Variants in ISL1 observed in about 807,000 individuals in gnomAD.
ISL1 encodes the protein insulin gene enhancer protein ISL-1.
In ISL1, 4 loss-of-function variants were observed where a neutral mutation model predicts 35.3. That is an observed-to-expected ratio of 0.11 (90% CI 0.06 to 0.26). The LOEUF (loss-of-function observed/expected upper bound fraction) is 0.26, where lower values mean the gene tolerates loss of function less well. ISL1 is among the 10% of genes least tolerant of loss of function. The probability of loss-of-function intolerance (pLI) is 1.00; values close to 1 mark genes in which losing one functional copy is unlikely to be tolerated. For synonymous variants in ISL1, 186 were observed against 172.3 expected (o/e 1.08, Z -0.62); for missense variants, 340 against 472.8 (o/e 0.72, Z 2.60).
chr5:51,393,561 A>G lies in ISL1; in HGVS notation c.1001A>G (p.Gln334Arg). 1.2e-6 allele frequency: 2 copies of G among 1,613,914 alleles called. No homozygotes were observed. The highest frequency in any genetic ancestry group is 1.7e-6 in the Non-Finnish European group (2 of 1,179,758). ...TGSEVASMSS[Q>R]LPDTPNSMVA... ...AGTGAAGTAGCATCAATGTCCTCTC[A>G]ACTTCCAGATACACCTAACAGCATG... is the stretch of plus-strand genomic sequence containing the variant. The change falls in exon 6 of 6, where the codon CAA becomes CGA. Residue 334 changes from glutamine (Q) to arginine (R), a missense_variant. Gln to Arg is a conservative substitution (Grantham distance 43). Coordinates refer to ENST00000230658, the MANE Select transcript of ISL1 (RefSeq NM_002202.3).
chr5:51,386,381 T>C (rs1407910841), intron 2 of ISL1: 2 of 154,796 alleles, frequency 1.3e-5, no homozygotes, highest in Non-Finnish European at 1.2e-5. Flanking sequence ...CAACTCTGTG[T>C]GTGTGTGTGT....
At chr5:51,388,989 G>A (rs1295527365) in intron 3 of ISL1, among the ~76,000 whole-genome samples, 5 of 152,164 alleles carry the variant, frequency 3.3e-5, no homozygotes, top group Admixed American at 6.5e-5. Flanking sequence ...TTAATACTAA[G>A]AGCAGGGATT....
chr5:51,384,807 G>A, intron 2 of ISL1, 77 bp downstream of exon 2: 1 of 1,403,296 alleles, frequency 7.1e-7, no homozygotes, highest in Non-Finnish European at 1.0e-6. Context: ...TATTTGGTGT[G>A]GCTTTGTCTT....
chr5:51,386,376 CTGTGTGTGTGTGTGTG>C (rs3138746), intron 2 of ISL1: 24 of 262,768 alleles, frequency 9.1e-5, no homozygotes, highest in African/African-American at 2.5e-4. Context: ...TCTCTCAACT[CTGTGTGTGTGTGTGTG>C]TGTGTGTGTG....
Position 51,389,988 on chromosome 5 carries a change from GAGGTGCGTTCCTGGTA to G in ISL1, c.765+57_765+72del. Reference sequence around the variant, plus strand: ...CGAGGGGGAAGGAGACGCAGCGTGCGAGGTGCGTTCCTGGTACGCAGGATCGCACGGTTTTCAATCC... The same window carrying G: ...CGAGGGGGAAGGAGACGCAGCGTGCGCGCAGGATCGCACGGTTTTCAATCC... On this transcript the variant is annotated intron_variant, in intron 4 of 5. Coordinates refer to ENST00000230658, the MANE Select transcript of ISL1 (RefSeq NM_002202.3). The surrounding 1 kb of genome is among the most constrained non-coding windows in gnomAD (Gnocchi z 5.0). The G allele has an allele frequency of 6.3e-7, 1 of 1,581,080 alleles. No individual in the cohort carries two copies. Among genetic ancestry groups the G allele is most frequent in the Non-Finnish European group, 8.7e-7 (1 of 1,155,458 alleles).
At chr5:51,384,243 A>AGG (rs60114688) in intron 1 of ISL1, among the ~76,000 whole-genome samples, 12,993 of 115,602 alleles carry the variant, frequency 0.11, 669 homozygotes, top group African/African-American at 0.13. Flanking sequence ...GCAAAGAGGA[A>AGG]GGGGGGGGGG....
intron 1 of ISL1, 64 bp from the exon 2 acceptor site, chr5:51,384,477 A>G: frequency 6.9e-7 from 1 of 1,452,354 alleles, no homozygotes; most frequent in Non-Finnish European, 9.7e-7. Context: ...GAACGACACT[A>G]AAAGTGTGTT....
Position 51,393,652 on chromosome 5 carries a change from G to A in ISL1, c.*42G>A. On this transcript the variant is annotated 3_prime_UTR_variant, in exon 6 of 6. Coordinates refer to ENST00000230658, the MANE Select transcript of ISL1 (RefSeq NM_002202.3). Reference sequence around the variant, plus strand: ...ATTTTTTTTCCCTGTTGGAGAAAGTGGGAAATTATAATGTCGAACTCTGAA... The same window carrying A: ...ATTTTTTTTCCCTGTTGGAGAAAGTAGGAAATTATAATGTCGAACTCTGAA... The A allele has an allele frequency of 7.8e-7, 1 of 1,277,694 alleles. No homozygotes were observed. Among genetic ancestry groups the A allele is most frequent in the African/African-American group, 1.5e-5 (1 of 68,442 alleles). 79.1% of individuals were successfully genotyped at this position (1,277,694 alleles called of 1,614,324 possible).
Position 51,389,574 on chromosome 5 carries a change from C to T in ISL1, c.479-72C>T, listed in dbSNP as rs1334102973. The stretch of plus-strand genomic sequence containing the variant: ...GCGGGCGGGCAAGCGAGCGAGCGAG[C>T]GAGCGCGCGACCGCGGGCGGGCCGG... On this transcript the variant is annotated intron_variant, in intron 3 of 5. Coordinates refer to ENST00000230658, the MANE Select transcript of ISL1 (RefSeq NM_002202.3). The surrounding 1 kb of genome is among the most constrained non-coding windows in gnomAD (Gnocchi z 5.0). 11 of 1,334,730 alleles carry T rather than the reference C, an allele frequency of 8.2e-6. No individual in the cohort carries two copies. The highest frequency in any genetic ancestry group is 1.8e-5 in the South Asian group (1 of 55,224). The allele number at this position is 1,334,730 out of a possible 1,614,324, so 82.7% of individuals were successfully genotyped here. A position where few individuals can be genotyped will look rare whatever the true frequency, so the allele number is the denominator to read the frequency against.
At chr5:51,392,665 G>A (rs550290512) in intron 5 of ISL1, among the ~76,000 whole-genome samples, 1 of 152,300 alleles carries the variant, frequency 6.6e-6, no homozygotes, top group African/African-American at 2.4e-5. Context: ...TTATTTGAGC[G>A]AATCCTGAAT....
At chr5:51,385,318 C>T (rs891543634) in intron 2 of ISL1, among the ~76,000 whole-genome samples, 1 of 152,112 alleles carries the variant, frequency 6.6e-6, no homozygotes, top group African/African-American at 2.4e-5. Flanking sequence ...GAAAAAACAC[C>T]GGAAACTTAA....
At chr5:51,384,990 A>G (rs1322579382) in intron 2 of ISL1, among the ~76,000 whole-genome samples, 1 of 152,226 alleles carries the variant, frequency 6.6e-6, no homozygotes, top group African/African-American at 2.4e-5. Context: ...CTTGGAGTTT[A>G]TGATGCACAA....
chr5:51,387,433 C>T lies in ISL1; in HGVS notation c.219-57C>T. ...AAGTGCCGGCCTGAAGTGACCCCCT[C>T]TTCCTGTACTTCTCTCCCCGCTCTG... On this transcript the variant is annotated intron_variant, in intron 2 of 5. Coordinates refer to ENST00000230658, the MANE Select transcript of ISL1 (RefSeq NM_002202.3). The surrounding 1 kb of genome is among the most constrained non-coding windows in gnomAD (Gnocchi z 4.3). 1.3e-6 allele frequency: 2 copies of T among 1,597,126 alleles called. No homozygotes were observed. Among genetic ancestry groups the T allele is most frequent in the South Asian group, 2.2e-5 (2 of 88,950 alleles).
intron 2 of ISL1, chr5:51,386,376 C>CTGTG (rs3138746): frequency 0.068 from 17,936 of 262,306 alleles, 542 homozygotes; most frequent in African/African-American, 0.088. Flanking sequence ...TCTCTCAACT[C>CTGTG]TGTGTGTGTG....
In ISL1 at chr5:51,389,346, CTT is replaced by C. The variant is rs1747426636; in HGVS notation, c.479-298_479-297del. On this transcript the variant is annotated intron_variant, in intron 3 of 5. Coordinates refer to ENST00000230658, the MANE Select transcript of ISL1 (RefSeq NM_002202.3). This position sits in a 1 kb window ranked among gnomAD's most constrained non-coding sequence, Gnocchi z 5.0. ...TGAGACCTGCTTCCCTTGGCTAACACTTTGTTGACACGAGGAGGGGCGAGTGC... is the reference window on the plus strand; with the variant it reads ...TGAGACCTGCTTCCCTTGGCTAACACTGTTGACACGAGGAGGGGCGAGTGC... Among the ~76,000 whole-genome samples the C allele has an allele frequency of 1.3e-5, 2 of 152,174 alleles. No homozygotes were observed. Among genetic ancestry groups the C allele is most frequent in the South Asian group, 2.1e-4 (1 of 4,836 alleles).
At chr5:51,393,413 C>T (rs1747562694) in intron 5 of ISL1, 81 bp from the exon 6 acceptor site, 4 of 826,148 alleles carry the variant, frequency 4.8e-6, no homozygotes, top group African/African-American at 1.7e-5. Flanking sequence ...AACATTTCTA[C>T]ATATACAATA....
Position 51,387,415 on chromosome 5 carries a change from G to A in ISL1, c.219-75G>A, listed in dbSNP as rs536678157. 16 of 1,534,166 alleles carry A rather than the reference G, an allele frequency of 1.0e-5. No homozygotes were observed. The African/African-American group carries it at 1.1e-4, about 10-fold the overall frequency. On this transcript the variant is annotated intron_variant, in intron 2 of 5. Coordinates refer to ENST00000230658, the MANE Select transcript of ISL1 (RefSeq NM_002202.3). The surrounding 1 kb of genome is among the most constrained non-coding windows in gnomAD (Gnocchi z 4.3). ...CGGGATCTTGGGCCAGGGAAGTGCC[G>A]GCCTGAAGTGACCCCCTCTTCCTGT...
At position 51,387,490 on chromosome 5, in the gene ISL1, G is replaced by A. The variant is rs756292251; in HGVS notation, c.219G>A (p.Arg73=). The change falls in exon 3 of 6, where the codon AGG becomes AGA. Residue 73 remains arginine, a splice_region_variant and synonymous_variant. Transcript: ENST00000230658. This position sits in a 1 kb window ranked among gnomAD's most constrained non-coding sequence, Gnocchi z 4.3. ...GKTYCKRDYI[R]LYGIKCAKCS... ...CTCCGCTCCCCCCTCCCCCGCACAG[G>A]TTGTACGGGATCAAATGCGCCAAGT... The A allele has an allele frequency of 3.7e-6, 6 of 1,614,016 alleles. No homozygotes were observed. The South Asian group carries it at 5.5e-5, about 15-fold the overall frequency.
Position 51,391,376 on chromosome 5 carries a change from C to T in ISL1, c.868C>T (p.Pro290Ser). ...NPVEVQSYQP[P>S]WKVLSDFALQ... is the part of the protein sequence containing the mutation. ...AGTGGAAGTACAAAGTTACCAGCCA[C>T]CTTGGAAAGTACTGAGCGACTTCGC... Residue 290 changes from proline to serine, a missense_variant, in exon 5 of 6, where the codon CCT (proline) becomes TCT (serine). Pro to Ser is a moderately conservative substitution (Grantham distance 74). Transcript: ENST00000230658. The T allele has an allele frequency of 6.2e-7, 1 of 1,614,190 alleles. No individual in the cohort carries two copies. Among genetic ancestry groups the T allele is most frequent in the East Asian group, 2.2e-5 (1 of 44,874 alleles).
Sources: gnomAD v4.1 joint callset for allele counts (sites outside exome capture counted in the v4.1 genomes callset) on GRCh38, gnomAD v4.1.1 for gene constraint, Gnocchi (gnomAD v3.1) non-coding constraint, MANE v1.5 for transcripts, NCBI Gene and HGNC (gene_info 2026-07-23, HGNC 2026-07-21) for gene names.